The following TLCD4 variants were observed in gnomAD, a reference collection of about 807,000 sequenced individuals.
TLCD4 encodes the protein TLC domain containing 4.
Under a neutral mutation model 24.2 loss-of-function variants are expected in TLCD4, and 7 were observed. The ratio of observed to expected loss-of-function variants is 0.29; its 90% confidence interval spans 0.16 to 0.54. The LOEUF (loss-of-function observed/expected upper bound fraction) is 0.54, where lower values mean the gene tolerates loss of function less well. Ranked by LOEUF, TLCD4 falls within the 20% of genes least tolerant of loss-of-function variation. The pLI is 0.95. For synonymous variants in TLCD4, 103 were observed against 106.4 expected (o/e 0.97, Z 0.20); for missense variants, 259 against 313.9 (o/e 0.82, Z 1.32).
intron 5 of TLCD4, among the ~76,000 whole-genome samples, chr1:95,171,215 G>T (rs1468083439): frequency 1.3e-5 from 2 of 152,112 alleles, no homozygotes; most frequent in African/African-American, 2.4e-5. Context: ...GCCTCCCAGT[G>T]TGCTGGGATT....
the TLCD4 span, among the ~76,000 whole-genome samples, chr1:95,101,385 C>T: frequency 6.6e-6 from 1 of 150,618 alleles, no homozygotes; most frequent in Non-Finnish European, 1.5e-5. Context: ...ACTACAGGTG[C>T]GTGCCATTGT....
intron 6 of TLCD4, among the ~76,000 whole-genome samples, chr1:95,184,474 C>T (rs372901350): frequency 6.6e-6 from 1 of 151,986 alleles, no homozygotes; most frequent in Non-Finnish European, 1.5e-5. Context: ...TTAGTGAGTA[C>T]GATACCTCTA....
chr1:95,153,069 A>G (rs1413270845), intron 5 of TLCD4, among the ~76,000 whole-genome samples: 1 of 151,016 alleles, frequency 6.6e-6, no homozygotes, highest in African/African-American at 2.4e-5. Context: ...ATTATTATTT[A>G]TTTTCTTTTT....
upstream of TLCD4, among the ~76,000 whole-genome samples, chr1:95,112,814 T>A (rs1431017386): frequency 6.6e-6 from 1 of 152,202 alleles, no homozygotes. Flanking sequence ...ATATTATTGA[T>A]GGGCATTTGA....
At chr1:95,105,020 TCAATAA>T in the TLCD4 span, among the ~76,000 whole-genome samples, 1 of 152,036 alleles carries the variant, frequency 6.6e-6, no homozygotes, top group African/African-American at 2.4e-5. Context: ...AGACTCTGAC[TCAATAA>T]CAATAAAAAA....
At chr1:95,137,060 G>A (rs1049399504) in intron 1 of TLCD4, among the ~76,000 whole-genome samples, 4 of 152,142 alleles carry the variant, frequency 2.6e-5, no homozygotes, top group African/African-American at 9.7e-5. Context: ...GGTGCAGGGC[G>A]CATAGCCAGG....
At chr1:95,188,126 G>A (rs998897582) in intron 6 of TLCD4, among the ~76,000 whole-genome samples, 15 of 152,118 alleles carry the variant, frequency 9.9e-5, no homozygotes, top group Non-Finnish European at 1.9e-4. Flanking sequence ...GGTAGCTCAC[G>A]CCTGTAATCC....
chr1:95,114,733 A>C (rs1296312527), upstream of TLCD4, among the ~76,000 whole-genome samples: 2 of 151,956 alleles, frequency 1.3e-5, no homozygotes, highest in Non-Finnish European at 2.9e-5. Context: ...GGGAGGCTGA[A>C]GCACGAGATC....
intron 1 of TLCD4, among the ~76,000 whole-genome samples, chr1:95,119,661 T>C (rs895021537): frequency 2.0e-5 from 3 of 152,210 alleles, no homozygotes; most frequent in African/African-American, 7.2e-5. Context: ...CACAGCTGTC[T>C]TAACAGTTTT....
chr1:95,108,525 T>C, the TLCD4 span, among the ~76,000 whole-genome samples: 5 of 152,180 alleles, frequency 3.3e-5, no homozygotes, highest in Admixed American at 3.3e-4. Context: ...GGTCTCACTA[T>C]GTTGCCCAGG....
chr1:95,173,854 G>A lies in TLCD4; in HGVS notation c.438G>A (p.Leu146=), dbSNP rs767622238. 1.2e-6 allele frequency: 2 copies of A among 1,614,144 alleles called. No individual in the cohort carries two copies. The highest frequency in any genetic ancestry group is 2.2e-5 in the South Asian group (2 of 91,078). ...TGGCATACATTGGGAATTTTCGCCT[G>A]CTTGCAGAGCTTTCCAGCCCGTTTG... ...GVLAYIGNFR[L]LAELSSPFVN... The change falls in exon 6 of 7, where the codon CTG becomes CTA. Residue 146 remains leucine, a synonymous_variant. Transcript: ENST00000370203.
At chr1:95,096,019 T>C in the TLCD4 span, among the ~76,000 whole-genome samples, 2 of 152,244 alleles carry the variant, frequency 1.3e-5, no homozygotes, top group African/African-American at 2.4e-5. Context: ...TTCAAGACTT[T>C]AGTCATTGCA....
rs139342358 is a variant in TLCD4, at chr1:95,187,037, T to C, written c.474-4513T>C. Among the ~76,000 whole-genome samples, 12 of 152,346 alleles carry C rather than the reference T, an allele frequency of 7.9e-5. No homozygotes were observed. In the East Asian group the frequency reaches 2.3e-3, roughly 29 times the overall value. On this transcript the variant is annotated intron_variant, in intron 6 of 6. Coordinates refer to ENST00000370203, the MANE Select transcript of TLCD4 (RefSeq NM_152487.3). ...TGCCTTTGCAATTTGATCTCTAAAA[T>C]GATGTAAAATTAGGCAAGGCAGTTT...
chr1:95,108,429 C>A, the TLCD4 span, among the ~76,000 whole-genome samples: 76,887 of 151,906 alleles, frequency 0.51, 21,110 homozygotes, highest in Non-Finnish European at 0.6. Flanking sequence ...GTGGGAGTGC[C>A]GTGGTGCAAT....
upstream of TLCD4, among the ~76,000 whole-genome samples, chr1:95,115,108 T>TATATATATATA (rs1676406146): frequency 7.2e-6 from 1 of 139,518 alleles, no homozygotes; most frequent in Non-Finnish European, 1.5e-5. Flanking sequence ...ATATATATAA[T>TATATATATATA]ATATATGTTT....
At chr1:95,105,613 T>TG in the TLCD4 span, among the ~76,000 whole-genome samples, 1 of 152,040 alleles carries the variant, frequency 6.6e-6, no homozygotes, top group Non-Finnish European at 1.5e-5. Flanking sequence ...GATGAGTGCA[T>TG]GGCCGGGCGC....
chr1:95,149,516 G>A (rs920793496), intron 3 of TLCD4, among the ~76,000 whole-genome samples: 12 of 151,992 alleles, frequency 7.9e-5, no homozygotes, highest in African/African-American at 2.9e-4. Context: ...CTGCAAGGAC[G>A]TTTTTCTATT....
chr1:95,150,723 T>C (rs1677471564), intron 4 of TLCD4, among the ~76,000 whole-genome samples: 1 of 152,086 alleles, frequency 6.6e-6, no homozygotes, highest in Non-Finnish European at 1.5e-5. Flanking sequence ...GTGGCGTCAC[T>C]ATTTTGAATT....
chr1:95,160,031 AATTCTGT>A (rs1387051753), intron 5 of TLCD4, among the ~76,000 whole-genome samples: 1 of 152,158 alleles, frequency 6.6e-6, no homozygotes, highest in Non-Finnish European at 1.5e-5. Context: ...AGTTTTTTCC[AATTCTGT>A]GAAGAAAGTC....
Sources: gnomAD v4.1 joint callset for allele counts (sites outside exome capture counted in the v4.1 genomes callset) on GRCh38, gnomAD v4.1.1 for gene constraint, MANE v1.5 for transcripts, NCBI Gene and HGNC (gene_info 2026-07-23, HGNC 2026-07-21) for gene names.